The following AFF3 variants were observed in gnomAD, a reference collection of about 807,000 sequenced individuals.
AFF3 encodes the protein AF4/FMR2 family member 3.
AFF3 carries 32 observed loss-of-function variants against 129.7 expected under a neutral mutation model. The observed-to-expected ratio is 0.25, with a 90% CI of 0.19 to 0.33. AFF3 has a LOEUF of 0.33. AFF3 is among the 10% of genes least tolerant of loss of function. The pLI, the probability that AFF3 is intolerant of heterozygous loss-of-function variation, is 1.00. For synonymous variants in AFF3, 644 were observed against 635.4 expected (o/e 1.01, Z -0.20); for missense variants, 1,373 against 1,592.0 (o/e 0.86, Z 2.34).
At chr2:99,683,430 G>A (rs1480642429) in intron 11 of AFF3, among the ~76,000 whole-genome samples, 1 of 151,998 alleles carries the variant, frequency 6.6e-6, no homozygotes. Context: ...TACAATTTAA[G>A]TCCATTTTTC....
chr2:99,915,120 T>C (rs1695388784), intron 7 of AFF3, among the ~76,000 whole-genome samples: 1 of 152,134 alleles, frequency 6.6e-6, no homozygotes, highest in African/African-American at 2.4e-5. Flanking sequence ...TGACTCTTCT[T>C]ATTATAGCTT....
chr2:100,114,616 A>G (rs1289208949), intron 2 of AFF3, among the ~76,000 whole-genome samples: 2 of 152,148 alleles, frequency 1.3e-5, no homozygotes, highest in Admixed American at 6.5e-5. Context: ...TCCTGACCTC[A>G]AGTGATCCAC....
intron 11 of AFF3, among the ~76,000 whole-genome samples, chr2:99,712,985 C>T (rs963520668): frequency 6.6e-5 from 10 of 152,256 alleles, no homozygotes; most frequent in East Asian, 5.8e-4. Context: ...AAGCCAGACA[C>T]GCAAGGACAA....
intron 7 of AFF3, among the ~76,000 whole-genome samples, chr2:99,974,883 G>A (rs566991361): frequency 4.6e-5 from 7 of 152,300 alleles, no homozygotes; most frequent in East Asian, 1.9e-4. Context: ...CTACCAGAGT[G>A]AATGATGGTC....
intron 2 of AFF3, among the ~76,000 whole-genome samples, chr2:100,108,908 CTTTTTTTTTTTT>C (rs34769933): frequency 3.4e-5 from 3 of 88,094 alleles, no homozygotes; most frequent in Middle Eastern, 0.01. Context: ...CATTTCTTTC[CTTTTTTTTTTTT>C]TTTTTTTTTT....
intron 11 of AFF3, among the ~76,000 whole-genome samples, chr2:99,706,454 C>T (rs1350096524): frequency 2.6e-5 from 4 of 152,220 alleles, no homozygotes; most frequent in Admixed American, 2.6e-4. Flanking sequence ...CGGATTTCTC[C>T]AGGCAGCCAG....
intron 8 of AFF3, 103 bp from the exon 9 acceptor site, chr2:99,752,404 G>A: frequency 2.3e-6 from 2 of 868,412 alleles, no homozygotes; most frequent in Non-Finnish European, 3.6e-6. Flanking sequence ...AGGCAGGGAA[G>A]GGTTAAAAAA....
intron 7 of AFF3, among the ~76,000 whole-genome samples, chr2:99,869,468 T>C (rs902592692): frequency 2.0e-5 from 3 of 152,164 alleles, no homozygotes; most frequent in African/African-American, 7.2e-5. Context: ...GATGATTTGA[T>C]AGGCTCGCTA....
intron 7 of AFF3, among the ~76,000 whole-genome samples, chr2:99,891,350 C>A (rs751333583): frequency 2.0e-5 from 3 of 152,106 alleles, no homozygotes; most frequent in Non-Finnish European, 4.4e-5. Context: ...GCAGGCCAGG[C>A]TTTTGCTGTC....
chr2:99,890,386 G>C (rs768096637), intron 7 of AFF3, among the ~76,000 whole-genome samples: 15 of 152,030 alleles, frequency 9.9e-5, no homozygotes, highest in Non-Finnish European at 1.8e-4. Context: ...CTTTAGTTTT[G>C]GTATTCACTT....
At chr2:100,098,464 G>GT (rs570846032) in intron 4 of AFF3, among the ~76,000 whole-genome samples, 210 of 146,426 alleles carry the variant, frequency 1.4e-3, no homozygotes, top group African/African-American at 4.6e-3. Context: ...ATATTGAGAG[G>GT]TTTTTTTTTC....
chr2:99,753,581 G>A (rs990353506), intron 8 of AFF3, among the ~76,000 whole-genome samples: 1 of 152,178 alleles, frequency 6.6e-6, no homozygotes, highest in Non-Finnish European at 1.5e-5. Flanking sequence ...AGAGCTCTTG[G>A]GAATGGTCGG....
intron 7 of AFF3, among the ~76,000 whole-genome samples, chr2:100,003,109 C>CG (rs1352901304): frequency 4.2e-3 from 20 of 4,722 alleles, no homozygotes; most frequent in South Asian, 8.2e-3. Flanking sequence ...AGTTGGGGGT[C>CG]GGGGGGGTGG....
At chr2:100,106,322 A>C (rs763094061) in intron 2 of AFF3, 63 of 1,161,660 alleles carry the variant, frequency 5.4e-5, no homozygotes, top group Non-Finnish European at 6.6e-5. Flanking sequence ...CATTAGCTGA[A>C]GGTAGCAAGT....
At chr2:99,949,773 C>T (rs1234505456) in intron 7 of AFF3, among the ~76,000 whole-genome samples, 1 of 152,246 alleles carries the variant, frequency 6.6e-6, no homozygotes, top group Non-Finnish European at 1.5e-5. Flanking sequence ...CAGCTACTCA[C>T]CTTCTGCTGT....
intron 4 of AFF3, among the ~76,000 whole-genome samples, chr2:100,063,396 T>C (rs1009885156): frequency 6.6e-6 from 1 of 152,214 alleles, no homozygotes; most frequent in Non-Finnish European, 1.5e-5. Context: ...TGGTGAATTT[T>C]ATGCTATGTG....
At chr2:99,631,243 G>T (rs770170098) in intron 13 of AFF3, among the ~76,000 whole-genome samples, 5 of 152,186 alleles carry the variant, frequency 3.3e-5, no homozygotes, top group Non-Finnish European at 5.9e-5. Flanking sequence ...TCCACAGGTG[G>T]CCTGATTCTT....
chr2:100,028,280 C>T (rs1290900964), intron 4 of AFF3, among the ~76,000 whole-genome samples: 1 of 152,122 alleles, frequency 6.6e-6, no homozygotes, highest in East Asian at 1.9e-4. Context: ...GAACACTTTA[C>T]TTCGATAATG....
chr2:99,764,041 C>T (rs750855861), intron 8 of AFF3, among the ~76,000 whole-genome samples: 1 of 152,202 alleles, frequency 6.6e-6, no homozygotes, highest in Non-Finnish European at 1.5e-5. Context: ...GTTTGAGAGG[C>T]AGCTTTCAGT....
Sources: gnomAD v4.1 joint callset for allele counts (sites outside exome capture counted in the v4.1 genomes callset) on GRCh38, gnomAD v4.1.1 for gene constraint, MANE v1.5 for transcripts, NCBI Gene and HGNC (gene_info 2026-07-23, HGNC 2026-07-21) for gene names.